SHOC1: variants seen among roughly 807,000 people sequenced by gnomAD.
SHOC1 encodes protein shortage in chiasmata 1 ortholog.
A neutral mutation model predicts 179.2 loss-of-function variants in SHOC1; 136 were observed. That is an observed-to-expected ratio of 0.76 (90% CI 0.66 to 0.87). The LOEUF is 0.87. Ranked by LOEUF, SHOC1 falls within the 40% of genes least tolerant of loss-of-function variation. The pLI is 0.00. For missense variants in SHOC1, 1,538 were observed against 1,700.8 expected (o/e 0.90, Z 1.68); for synonymous variants, 489 against 586.6 (o/e 0.83, Z 2.41).
In SHOC1 at chr9:111,758,767, A is replaced by G; in HGVS notation, c.524T>C (p.Leu175Pro). 3 of 1,602,788 alleles carry G rather than the reference A, an allele frequency of 1.9e-6. No homozygotes were observed. The highest frequency in any genetic ancestry group is 1.7e-4 in the Middle Eastern group (1 of 5,906). Residue 175 changes from leucine (L) to proline (P), a missense_variant, in exon 6 of 28, where the codon CTA becomes CCA. By Grantham distance (98) the Leu-to-Pro change is moderately conservative (BLOSUM62 -3). Coordinates refer to ENST00000682961, the MANE Select transcript of SHOC1 (RefSeq NM_001378211.1). ...LPTLPTLLSRLKLFLVKDPLL... is the reference protein window; with the variant it reads ...LPTLPTLLSRPKLFLVKDPLL... ...AGGATCCTTTACCAAAAACAGTTTT[A>G]GTCTACTCAAGAGAGTAGGCAAAGT...
intron 11 of SHOC1, among the ~76,000 whole-genome samples, chr9:111,740,701 A>G (rs1833991045): frequency 6.6e-6 from 1 of 152,104 alleles, no homozygotes; most frequent in African/African-American, 2.4e-5. Context: ...CCTCCAGAGT[A>G]GCTGGGACTA....
chr9:111,694,398 A>G, intron 24 of SHOC1, 36 bp from the exon 25 acceptor site: 1 of 1,455,954 alleles, frequency 6.9e-7, no homozygotes, highest in Non-Finnish European at 9.5e-7. Flanking sequence ...TATAGGAAAT[A>G]CTAGGAAGCA....
rs140918336 is a variant in SHOC1, at chr9:111,695,798, A to G, written c.3184-1436T>C. 2.6e-5 allele frequency among the ~76,000 whole-genome samples: 4 copies of G among 152,304 alleles called. No homozygotes were observed. The East Asian group carries it at 7.7e-4, about 29-fold the overall frequency. On this transcript the variant is annotated intron_variant, in intron 24 of 27. Transcript: ENST00000682961. Reference sequence around the variant, plus strand: ...ACATTTTCAGGGACTGAGAATTACTATATTTTGTAATGGAAATACCACTAC... The same window carrying G: ...ACATTTTCAGGGACTGAGAATTACTGTATTTTGTAATGGAAATACCACTAC...
chr9:111,701,077 C>T (rs145959819), intron 23 of SHOC1, among the ~76,000 whole-genome samples: 1 of 152,242 alleles, frequency 6.6e-6, no homozygotes, highest in African/African-American at 2.4e-5. Context: ...TAACTTTGCA[C>T]CATAATAAAT....
chr9:111,758,693 A>G lies in SHOC1; in HGVS notation c.596+2T>C. 6.4e-7 allele frequency: 1 copy of G among 1,572,224 alleles called. No homozygotes were observed. The highest frequency in any genetic ancestry group is 1.4e-5 in the African/African-American group (1 of 72,396). ...TACAGCATTGGTCAATTAAGTAAGT[A>G]CCTGGAAAAATTAGCTTCTGTGAAG... On this transcript the variant is annotated splice_donor_variant, in intron 6 of 27. Coordinates refer to ENST00000682961, the MANE Select transcript of SHOC1 (RefSeq NM_001378211.1). LOFTEE classifies it high-confidence loss of function.
chr9:111,732,180 T>C (rs903905372), intron 12 of SHOC1, among the ~76,000 whole-genome samples: 2 of 152,196 alleles, frequency 1.3e-5, no homozygotes, highest in African/African-American at 4.8e-5. Context: ...ACTGGATCTC[T>C]CACACATTGC....
intron 5 of SHOC1, among the ~76,000 whole-genome samples, chr9:111,774,717 C>T (rs1280625135): frequency 6.6e-6 from 1 of 152,048 alleles, no homozygotes; most frequent in South Asian, 2.1e-4. Context: ...TATCATCACA[C>T]AGCTATTTGC....
Position 111,713,085 on chromosome 9 carries a change from T to C in SHOC1, c.2488+15A>G. On this transcript the variant is annotated intron_variant, in intron 18 of 27. Transcript: ENST00000682961. Reference sequence around the variant, plus strand: ...GCATTTGTTATCAAATGAAGCATAATTTAAAACTGCCTACCTTCTATTTTG... The same window carrying C: ...GCATTTGTTATCAAATGAAGCATAACTTAAAACTGCCTACCTTCTATTTTG... 1 of 1,490,382 alleles carries C rather than the reference T, an allele frequency of 6.7e-7. No individual in the cohort carries two copies. Among genetic ancestry groups the C allele is most frequent in the South Asian group, 1.2e-5 (1 of 84,776 alleles). The allele number at this position is 1,490,382 out of a possible 1,614,324, so 92.3% of individuals were successfully genotyped here.
intron 10 of SHOC1, among the ~76,000 whole-genome samples, chr9:111,745,648 G>T (rs1224598204): frequency 6.6e-6 from 1 of 152,190 alleles, no homozygotes; most frequent in African/African-American, 2.4e-5. Context: ...GTCTTAGAAT[G>T]AAACCAACCC....
intron 8 of SHOC1, among the ~76,000 whole-genome samples, chr9:111,749,485 T>G (rs1050589568): frequency 2.4e-4 from 37 of 152,216 alleles, no homozygotes; most frequent in African/African-American, 7.5e-4. Flanking sequence ...TTTTTTTATT[T>G]TTTTTTTCTC....
chr9:111,778,693 C>T (rs567077323), intron 4 of SHOC1, among the ~76,000 whole-genome samples: 37 of 147,430 alleles, frequency 2.5e-4, no homozygotes, highest in Admixed American at 1.2e-3. Context: ...ATCACTCAAA[C>T]CTGGGAGGTA....
At chr9:111,756,746 C>T (rs1348266331) in intron 7 of SHOC1, among the ~76,000 whole-genome samples, 3 of 152,116 alleles carry the variant, frequency 2.0e-5, no homozygotes, top group Admixed American at 2.0e-4. Flanking sequence ...GCAGAAATAG[C>T]TTCTTTTTGG....
chr9:111,714,654 T>G (rs768068793), intron 16 of SHOC1, 31 bp from the exon 17 acceptor site: 3 of 1,568,246 alleles, frequency 1.9e-6, no homozygotes, highest in Admixed American at 2.0e-5. Flanking sequence ...AAAAATTGTC[T>G]AAGTATTTGT....
chr9:111,785,549 T>C (rs970411664), intron 3 of SHOC1, among the ~76,000 whole-genome samples: 2 of 152,210 alleles, frequency 1.3e-5, no homozygotes, highest in African/African-American at 4.8e-5. Flanking sequence ...AACTATTTTA[T>C]ACATATATGC....
chr9:111,727,604 C>A (rs1209887705), intron 13 of SHOC1, 29 bp downstream of exon 13: 1 of 1,529,660 alleles, frequency 6.5e-7, no homozygotes, highest in East Asian at 2.3e-5. Flanking sequence ...CCTACCATAT[C>A]TACGGCAAAA....
chr9:111,778,060 G>A (rs959030371), intron 4 of SHOC1, among the ~76,000 whole-genome samples: 4 of 151,994 alleles, frequency 2.6e-5, no homozygotes, highest in Non-Finnish European at 5.9e-5. Flanking sequence ...AGCAATAATT[G>A]GTACTACAGT....
intron 5 of SHOC1, among the ~76,000 whole-genome samples, chr9:111,760,037 C>G (rs1164499696): frequency 1.3e-5 from 2 of 152,100 alleles, no homozygotes; most frequent in African/African-American, 2.4e-5. Flanking sequence ...TGGTATAATC[C>G]ATTCTGTAAG....
chr9:111,758,041 T>G, intron 7 of SHOC1, 43 bp downstream of exon 7: 2 of 1,023,218 alleles, frequency 2.0e-6, no homozygotes, highest in South Asian at 3.2e-5. Context: ...AAAATGTGCC[T>G]CACTACTTTT....
chr9:111,787,839 T>C (rs1589481671), intron 2 of SHOC1, among the ~76,000 whole-genome samples: 1 of 152,160 alleles, frequency 6.6e-6, no homozygotes, highest in Admixed American at 6.5e-5. Context: ...GCAAACTTCA[T>C]TGTTGCCTTA....
Sources: allele counts gnomAD v4.1 joint callset (sites outside exome capture counted in the v4.1 genomes callset), GRCh38; gene constraint gnomAD v4.1.1; transcripts MANE v1.5; gene names NCBI Gene and HGNC (gene_info 2026-07-23, HGNC 2026-07-21).